Variants in TRIM10 observed in about 807,000 individuals in gnomAD.
The protein encoded by TRIM10 is tripartite motif-containing protein 10.
Under a neutral mutation model 40.0 loss-of-function variants are expected in TRIM10, and 42 were observed. The observed-to-expected ratio is 1.05, with a 90% CI of 0.82 to 1.36. The LOEUF is 1.36. Among genes scored for constraint, TRIM10 ranks in the 40% most tolerant of loss-of-function variants. The pLI is 0.00. For missense variants in TRIM10, 601 were observed against 608.3 expected (o/e 0.99, Z 0.13); for synonymous variants, 260 against 239.5 (o/e 1.09, Z -0.79).
Position 30,154,165 on chromosome 6 carries a change from G to A in TRIM10, c.1250C>T (p.Ser417Phe). ...CTTCAGGGTCAGCCGTGTGGGGAAGGAGCCCAGAGCCGAGACGAAGCCCCA... is the reference window on the plus strand; with the variant it reads ...CTTCAGGGTCAGCCGTGTGGGGAAGAAGCCCAGAGCCGAGACGAAGCCCCA... ...LAWGFVSALG[S>F]FPTRLTLKEQ... Residue 417 changes from serine to phenylalanine, a missense_variant, in exon 7 of 7, where the codon TCC becomes TTC. Coordinates refer to ENST00000449742, the MANE Select transcript of TRIM10 (RefSeq NM_006778.4). 2 of 1,612,088 alleles carry A rather than the reference G, an allele frequency of 1.2e-6. No homozygotes were observed.
chr6:30,156,575 A>T (rs1439341756), intron 5 of TRIM10, among the ~76,000 whole-genome samples: 1 of 152,230 alleles, frequency 6.6e-6, no homozygotes, highest in Non-Finnish European at 1.5e-5. Context: ...ATTAATTAAC[A>T]ATGTTCATCA....
At chr6:30,155,559 T>C (rs988788535) in intron 6 of TRIM10, among the ~76,000 whole-genome samples, 168 bp downstream of exon 6, 2 of 152,220 alleles carry the variant, frequency 1.3e-5, no homozygotes, top group Non-Finnish European at 2.9e-5. Context: ...ATGTATTATA[T>C]ACACACACAT....
upstream of TRIM10, among the ~76,000 whole-genome samples, chr6:30,161,347 G>A (rs542730225): frequency 2.6e-5 from 4 of 152,336 alleles, no homozygotes; most frequent in South Asian, 6.2e-4. Context: ...TCAGCAAGCA[G>A]GAGAGTGTGG....
rs1772977383 is a variant in TRIM10, at chr6:30,160,499, C to T, written c.360G>A (p.Val120=). The change falls in exon 1 of 7, where the codon GTG becomes GTA. Residue 120 remains valine, a synonymous_variant. Transcript: ENST00000449742. ...TAGCGTGCTCCCCAGCCTCCCGGCA[C>T]ACCACGCACAACTGCATCTCATCAT... ...CEDDEMQLCV[V]CREAGEHATH... 1.9e-6 allele frequency: 3 copies of T among 1,614,230 alleles called. No individual in the cohort carries two copies. The highest frequency in any genetic ancestry group is 1.3e-5 in the African/African-American group (1 of 75,066).
At position 30,154,041 on chromosome 6, in the gene TRIM10, G is replaced by A. The variant is rs1772266618; in HGVS notation, c.1374C>T (p.Ala458=). 6.2e-7 allele frequency: 1 copy of A among 1,612,014 alleles called. No homozygotes were observed. Among genetic ancestry groups the A allele is most frequent in the Non-Finnish European group, 8.5e-7 (1 of 1,179,244 alleles). The part of the protein sequence containing the change: ...VTREPIYTFT[A]SFTRKVIPFF... ...AGGGAATGACCTTCCTAGTGAAGGA[G>A]GCAGTGAAGGTGTAGATGGGCTCTC... The change falls in exon 7 of 7, where the codon GCC becomes GCT. Residue 458 remains alanine (A), a synonymous_variant. Coordinates refer to ENST00000449742, the MANE Select transcript of TRIM10 (RefSeq NM_006778.4).
Position 30,156,971 on chromosome 6 carries a change from A to T in TRIM10, c.863T>A (p.Leu288His). 6.2e-7 allele frequency: 1 copy of T among 1,613,054 alleles called. No homozygotes were observed. Among genetic ancestry groups the T allele is most frequent in the East Asian group, 2.2e-5 (1 of 44,882 alleles). ...CATCTTCATCTCCCTCTGCAGCGGG[A>T]GGGCCTGCTGGGGAAAGTCCCGAAT... ...QRIRDFPQQALPLQREMKMFL... is the reference protein window; with the variant it reads ...QRIRDFPQQAHPLQREMKMFL... The change falls in exon 5 of 7, where the codon CTC becomes CAC. Residue 288 changes from leucine to histidine, a missense_variant. Transcript: ENST00000449742.
chr6:30,161,655 C>T (rs1481729910), upstream of TRIM10, among the ~76,000 whole-genome samples: 1 of 152,204 alleles, frequency 6.6e-6, no homozygotes, highest in African/African-American at 2.4e-5. Context: ...TTAGGATCTC[C>T]ATTTCATAAA....
intron 6 of TRIM10, among the ~76,000 whole-genome samples, chr6:30,155,074 A>T (rs1166018952): frequency 6.6e-6 from 1 of 152,188 alleles, no homozygotes; most frequent in Non-Finnish European, 1.5e-5. Flanking sequence ...AAACTGCTGC[A>T]GAGCCTTGCG....
At chr6:30,157,137 C>T in intron 4 of TRIM10, 83 bp from the exon 5 acceptor site, 1 of 1,362,378 alleles carries the variant, frequency 7.3e-7, no homozygotes, top group Non-Finnish European at 1.0e-6. Context: ...TCTAATAGGG[C>T]ATGATGGCGC....
rs1400005773 is a variant in TRIM10 at position 30,158,482 on chromosome 6, C to T, written c.673G>A (p.Val225Ile). The change falls in exon 3 of 7, where the codon GTT becomes ATT. Residue 225 changes from valine (V) to isoleucine (I), a missense_variant. Coordinates refer to ENST00000449742, the MANE Select transcript of TRIM10 (RefSeq NM_006778.4). The stretch of plus-strand genomic sequence containing the variant: ...CTAAACCGGCAGATCTCCCCAGCAA[C>T]CAGCAAATCAAATTCATCCCGTTGC... ...LRQRDEFDLL[V>I]AGEICRFSAL... 5 of 1,613,004 alleles carry T rather than the reference C, an allele frequency of 3.1e-6. No individual in the cohort carries two copies. In the Admixed American group the frequency reaches 5.0e-5, roughly 16 times the overall value.
upstream of TRIM10, chr6:30,163,484 G>GGGTTCTA: frequency 1.5e-6 from 1 of 679,742 alleles, no homozygotes; most frequent in Non-Finnish European, 2.4e-6. Context: ...GTGGTGGCCA[G>GGGTTCTA]GGTTCTAGGG....
upstream of TRIM10, among the ~76,000 whole-genome samples, chr6:30,161,885 C>T (rs1773119892): frequency 6.6e-6 from 1 of 152,132 alleles, no homozygotes. Context: ...TTTATTTAGT[C>T]CTATATTTCC....
Position 30,158,618 on chromosome 6 carries a change from G to T in TRIM10, c.537C>A (p.Ser179=), listed in dbSNP as rs1220195530. The change falls in exon 3 of 7, where the codon TCC becomes TCA. Residue 179 remains serine (S), a synonymous_variant. Coordinates refer to ENST00000449742, the MANE Select transcript of TRIM10 (RefSeq NM_006778.4). ...CAGAAATCACCTGTTGTCTCTTGGT[G>T]GACACCTGAGTCTGAGGGGGCAGGA... ...KRMQVLLTQV[S]TKRQQVISEF... is the part of the protein sequence containing the mutation. 9.3e-6 allele frequency: 15 copies of T among 1,612,964 alleles called. No homozygotes were observed. Among genetic ancestry groups the T allele is most frequent in the Non-Finnish European group, 1.3e-5 (15 of 1,179,972 alleles).
chr6:30,160,902 T>C lies in TRIM10; in HGVS notation c.-44A>G, dbSNP rs200648156. 6.5e-7 allele frequency: 1 copy of C among 1,533,388 alleles called. No individual in the cohort carries two copies. The highest frequency in any genetic ancestry group is 1.9e-5 in the Admixed American group (1 of 52,034). 95.0% of individuals were successfully genotyped at this position (1,533,388 alleles called of 1,614,324 possible). On this transcript the variant is annotated 5_prime_UTR_variant, in exon 1 of 7. Coordinates refer to ENST00000449742, the MANE Select transcript of TRIM10 (RefSeq NM_006778.4). Reference sequence around the variant, plus strand: ...GCTTCCTCAAGGCCACTCTCTCTGCTTGGCCACGGGGGAAGGGCTGGGTCA... The same window carrying C: ...GCTTCCTCAAGGCCACTCTCTCTGCCTGGCCACGGGGGAAGGGCTGGGTCA...
chr6:30,154,540 G>A (rs1440430775), intron 6 of TRIM10, 54 bp from the exon 7 acceptor site: 16 of 1,590,758 alleles, frequency 1.0e-5, no homozygotes, highest in Non-Finnish European at 1.3e-5. Flanking sequence ...TTACCTCCAA[G>A]GAAGGCATAG....
Position 30,158,578 on chromosome 6 carries a change from T to A in TRIM10, c.577A>T (p.Arg193Trp). 1.2e-6 allele frequency: 2 copies of A among 1,613,066 alleles called. No individual in the cohort carries two copies. The highest frequency in any genetic ancestry group is 1.7e-6 in the Non-Finnish European group (2 of 1,180,032). ...QQVISEFAHL[R>W]KFLEEQQSIL... ...CTCTGCTGTTCCTCTAGAAACTTCC[T>A]CAGGTGTGCGAACTCAGAAATCACC... is the stretch of plus-strand genomic sequence containing the variant. The change falls in exon 3 of 7, where the codon AGG becomes TGG. Residue 193 changes from arginine to tryptophan, a missense_variant. Transcript: ENST00000449742.
chr6:30,159,019 T>C (rs1219734341), intron 2 of TRIM10, 131 bp downstream of exon 2: 3 of 652,496 alleles, frequency 4.6e-6, no homozygotes, highest in African/African-American at 3.7e-5. Context: ...CTTGAGGTCA[T>C]AGAGTTAGTG....
chr6:30,162,279 AAAAAAAAAAAAG>A (rs1040970160), upstream of TRIM10, among the ~76,000 whole-genome samples: 4 of 151,644 alleles, frequency 2.6e-5, no homozygotes, highest in African/African-American at 9.7e-5. Flanking sequence ...CCATTTCAAA[AAAAAAAAAAAAG>A]AAAAGAAAAA....
chr6:30,162,980 T>C (rs557631729), upstream of TRIM10, among the ~76,000 whole-genome samples: 1 of 144,018 alleles, frequency 6.9e-6, no homozygotes, highest in Non-Finnish European at 1.5e-5. Context: ...ATAAATAAAA[T>C]AGTCCAGTGT....
Sources: gnomAD v4.1 joint callset for allele counts (sites outside exome capture counted in the v4.1 genomes callset) on GRCh38, gnomAD v4.1.1 for gene constraint, MANE v1.5 for transcripts, NCBI Gene and HGNC (gene_info 2026-07-23, HGNC 2026-07-21) for gene names.